LIN54: variants seen among roughly 807,000 people sequenced by gnomAD.
LIN54 encodes protein lin-54 homolog.
Under a neutral mutation model 78.7 loss-of-function variants are expected in LIN54, and 9 were observed. That is an observed-to-expected ratio of 0.11 (90% CI 0.07 to 0.20). LIN54 has a LOEUF of 0.20. LIN54 is among the 10% of genes least tolerant of loss of function. LIN54 has a pLI of 1.00. For synonymous variants in LIN54, 269 were observed against 318.4 expected (o/e 0.84, Z 1.65); for missense variants, 573 against 889.9 (o/e 0.64, Z 4.53).
At chr4:82,992,628 C>A (rs563255709) in intron 1 of LIN54, among the ~76,000 whole-genome samples, 1 of 152,318 alleles carries the variant, frequency 6.6e-6, no homozygotes, top group South Asian at 2.1e-4. Flanking sequence ...GAACACGACT[C>A]ACTGAAGCGT....
intron 4 of LIN54, among the ~76,000 whole-genome samples, chr4:82,955,997 T>C (rs7690606): frequency 0.98 from 149,097 of 152,230 alleles, 73,094 homozygotes; most frequent in East Asian, 1. Flanking sequence ...AGTCTTGCTC[T>C]GTCACCCAGG....
chr4:83,007,750 G>T (rs536402639), intron 1 of LIN54, among the ~76,000 whole-genome samples: 1 of 151,916 alleles, frequency 6.6e-6, no homozygotes, highest in Non-Finnish European at 1.5e-5. Flanking sequence ...TTAACCGAGC[G>T]TGGGGGCCCA....
chr4:82,992,088 G>A (rs963616395), intron 1 of LIN54, among the ~76,000 whole-genome samples: 1 of 152,128 alleles, frequency 6.6e-6, no homozygotes, highest in Admixed American at 6.5e-5. Context: ...TAGATATAAA[G>A]CTTCCTTGTG....
chr4:82,945,116 A>C (rs778527252), intron 5 of LIN54, among the ~76,000 whole-genome samples: 15 of 152,162 alleles, frequency 9.9e-5, no homozygotes, highest in Admixed American at 7.2e-4. Context: ...TGGCCTCCCA[A>C]AGTGCTGGGA....
intron 11 of LIN54, among the ~76,000 whole-genome samples, chr4:82,934,088 T>C (rs1722189409): frequency 1.3e-5 from 2 of 152,180 alleles, no homozygotes; most frequent in African/African-American, 2.4e-5. Flanking sequence ...AACTGGCTTG[T>C]TGGATTTTGA....
intron 1 of LIN54, among the ~76,000 whole-genome samples, chr4:82,992,695 G>A (rs1399723695): frequency 6.6e-6 from 1 of 151,988 alleles, no homozygotes; most frequent in Admixed American, 6.6e-5. Flanking sequence ...GCTGGGACTA[G>A]AGGCATGCAC....
At chr4:82,985,359 T>C (rs1727033158) in intron 1 of LIN54, among the ~76,000 whole-genome samples, 1 of 152,192 alleles carries the variant, frequency 6.6e-6, no homozygotes. Flanking sequence ...GAGTGTACTA[T>C]CCCATTTTAA....
chr4:82,929,424 TAA>T (rs1721761141), intron 12 of LIN54, among the ~76,000 whole-genome samples: 1 of 152,200 alleles, frequency 6.6e-6, no homozygotes, highest in Admixed American at 6.5e-5. Context: ...TCCCAGGTTA[TAA>T]GTCTTATTAA....
Position 82,928,255 on chromosome 4 carries a change from A to G in LIN54, c.2097T>C (p.Asn699=), listed in dbSNP as rs1220657250. 4.3e-6 allele frequency: 7 copies of G among 1,614,112 alleles called. No homozygotes were observed. The highest frequency in any genetic ancestry group is 2.2e-5 in the East Asian group (1 of 44,902). The change falls in exon 13 of 13, where the codon AAT becomes AAC. Residue 699 remains asparagine, a synonymous_variant. Transcript: ENST00000340417. ...CCTGCTCTGCCTGGGCAAGGAGGCA[A>G]TTACATGTGGCTTCAGCTACTTCCT... ...VTKEVAEATC[N]CLLAQAEQAD... is the part of the protein sequence containing the mutation.
intron 4 of LIN54, among the ~76,000 whole-genome samples, chr4:82,957,733 T>C (rs1389202458): frequency 6.6e-6 from 1 of 152,156 alleles, no homozygotes; most frequent in African/African-American, 2.4e-5. Context: ...ATGACATAAT[T>C]TATCTTTCTT....
At chr4:82,988,756 C>T (rs1727401038) in intron 1 of LIN54, among the ~76,000 whole-genome samples, 1 of 152,146 alleles carries the variant, frequency 6.6e-6, no homozygotes, top group African/African-American at 2.4e-5. Context: ...CCATTCTAGC[C>T]TATGTGAAGT....
At position 82,995,859 on chromosome 4, in the gene LIN54, T is replaced by C. The variant is rs777514489; in HGVS notation, c.-32-10983A>G. Among the ~76,000 whole-genome samples the C allele has an allele frequency of 2.2e-4, 33 of 151,728 alleles. No homozygotes were observed. In the South Asian group the frequency reaches 2.9e-3, roughly 13 times the overall value. Reference sequence around the variant, plus strand: ...ATGGTGGCCTATGCTAAAAGAAAGTTTCAGGACCAGGCACGGTGGCTCACA... The same window carrying C: ...ATGGTGGCCTATGCTAAAAGAAAGTCTCAGGACCAGGCACGGTGGCTCACA... On this transcript the variant is annotated intron_variant, in intron 1 of 12. Transcript: ENST00000340417.
intron 3 of LIN54, among the ~76,000 whole-genome samples, chr4:82,972,132 G>A (rs1294194964): frequency 6.6e-6 from 1 of 152,090 alleles, no homozygotes; most frequent in East Asian, 1.9e-4. Flanking sequence ...ATAGCTCACT[G>A]CAGCCTTGAA....
chr4:82,991,560 T>C (rs1262133455), intron 1 of LIN54, among the ~76,000 whole-genome samples: 7 of 152,244 alleles, frequency 4.6e-5, no homozygotes, highest in Non-Finnish European at 7.3e-5. Context: ...CAGGAAAATG[T>C]TGACTAAAAG....
intron 4 of LIN54, among the ~76,000 whole-genome samples, 150 bp downstream of exon 4, chr4:82,970,173 TCAGA>T (rs1407585478): frequency 2.0e-5 from 3 of 152,220 alleles, no homozygotes. Context: ...TTTTAATCTG[TCAGA>T]CATCCTTGAT....
At chr4:82,966,034 A>G (rs1333750955) in intron 4 of LIN54, among the ~76,000 whole-genome samples, 1 of 151,934 alleles carries the variant, frequency 6.6e-6, no homozygotes, top group African/African-American at 2.4e-5. Context: ...TCTACTAATA[A>G]CCCCCTTATC....
intron 4 of LIN54, among the ~76,000 whole-genome samples, chr4:82,951,802 C>G (rs993028450): frequency 4.0e-5 from 6 of 151,392 alleles, no homozygotes; most frequent in African/African-American, 1.5e-4. Context: ...AATAGAGAGC[C>G]CTAAGGAAAA....
At chr4:83,009,961 C>CA (rs1729719187) in intron 1 of LIN54, among the ~76,000 whole-genome samples, 1 of 152,100 alleles carries the variant, frequency 6.6e-6, no homozygotes, top group African/African-American at 2.4e-5. Flanking sequence ...GAGAGTATCT[C>CA]AATTGTTATA....
At chr4:83,010,420 CCCAT>C in intron 1 of LIN54, 60 bp downstream of exon 1, 1 of 271,770 alleles carries the variant, frequency 3.7e-6, no homozygotes, top group Non-Finnish European at 5.8e-6. Context: ...CCCACCCACC[CCCAT>C]CCCCCCAAAT....
Sources: gnomAD v4.1 joint callset for allele counts (sites outside exome capture counted in the v4.1 genomes callset) on GRCh38, gnomAD v4.1.1 for gene constraint, MANE v1.5 for transcripts, NCBI Gene and HGNC (gene_info 2026-07-23, HGNC 2026-07-21) for gene names.